KLKB1: variants seen among roughly 807,000 people sequenced by gnomAD.
KLKB1 encodes plasma kallikrein.
A neutral mutation model predicts 73.6 loss-of-function variants in KLKB1; 58 were observed. The ratio of observed to expected loss-of-function variants is 0.79; its 90% confidence interval spans 0.64 to 0.98. KLKB1 has a LOEUF of 0.98. Among genes scored for constraint, KLKB1 ranks in the 50% least tolerant of loss-of-function variants. KLKB1 has a pLI of 0.00. For missense variants in KLKB1, 737 were observed against 763.8 expected, an observed-to-expected ratio of 0.96 and a Z score of 0.41; for synonymous variants, 280 against 258.1, an observed-to-expected ratio of 1.08 and a Z score of -0.81.
At chr4:186,212,955 T>C (rs1349545179) in intron 2 of KLKB1, 1 of 152,230 alleles carries the variant, frequency 6.6e-6, no homozygotes, top group Admixed American at 6.5e-5. Flanking sequence ...AAAATGGGCA[T>C]ATTAGAAAAA....
chr4:186,256,907 G>C (rs1739022012), intron 13 of KLKB1, among the ~76,000 whole-genome samples: 1 of 152,074 alleles, frequency 6.6e-6, no homozygotes, highest in Non-Finnish European at 1.5e-5. Context: ...GGTCAGCCCA[G>C]GGTGCTGGGC....
chr4:186,248,670 A>G (rs1322482376), intron 6 of KLKB1, among the ~76,000 whole-genome samples: 1 of 133,942 alleles, frequency 7.5e-6, no homozygotes, highest in African/African-American at 3.0e-5. Flanking sequence ...CATGCATTTT[A>G]AATTCTCTTA....
chr4:186,213,111 T>A (rs1267126636), intron 2 of KLKB1: 2 of 152,182 alleles, frequency 1.3e-5, no homozygotes, highest in African/African-American at 4.8e-5. Context: ...TTGTTTAATG[T>A]TACCTTTTGG....
At chr4:186,237,033 C>T (rs924437721) in intron 5 of KLKB1, 93 bp downstream of exon 5, 2 of 1,266,018 alleles carry the variant, frequency 1.6e-6, no homozygotes, top group Non-Finnish European at 1.2e-6. Context: ...AACTAAAAAC[C>T]AAACAGGGCT....
Position 186,257,353 on chromosome 4 carries a change from A to G in KLKB1, c.1713A>G (p.Lys571=). Residue 571 remains lysine, a synonymous_variant, in exon 14 of 15, where the codon AAA becomes AAG. Coordinates refer to ENST00000264690, the MANE Select transcript of KLKB1 (RefSeq NM_000892.5). ...MVCAGYKEGG[K]DACKGDSGGP... ...GTGCTGGCTATAAAGAAGGGGGAAAAGATGCTTGTAAGGTAACTCATGAGA... is the reference window on the plus strand; with the variant it reads ...GTGCTGGCTATAAAGAAGGGGGAAAGGATGCTTGTAAGGTAACTCATGAGA... 1 of 1,589,262 alleles carries G rather than the reference A, an allele frequency of 6.3e-7. No individual in the cohort carries two copies. Among genetic ancestry groups the G allele is most frequent in the Non-Finnish European group, 8.6e-7 (1 of 1,166,882 alleles).
Position 186,251,980 on chromosome 4 carries a change from C to T in KLKB1, c.1145-37C>T, listed in dbSNP as rs376959569. The T allele has an allele frequency of 1.0e-4, 166 of 1,613,986 alleles. 1 individual carries two copies. Among genetic ancestry groups the T allele is most frequent in the Non-Finnish European group, 1.3e-4 (158 of 1,179,946 alleles). ...GGTTAGAAGGGACTTTGATTCACTT[C>T]TAATTCCAACCATTAGCGTCAACGC... On this transcript the variant is annotated intron_variant, in intron 10 of 14. Transcript: ENST00000264690.
upstream of KLKB1, among the ~76,000 whole-genome samples, chr4:186,222,457 A>G (rs1337494248): frequency 6.6e-6 from 1 of 152,150 alleles, no homozygotes; most frequent in Admixed American, 6.5e-5. Flanking sequence ...GGTTATCATG[A>G]GGTTTACATA....
chr4:186,238,064 T>C (rs1297173662), intron 5 of KLKB1, among the ~76,000 whole-genome samples, 192 bp from the exon 6 acceptor site: 1 of 152,124 alleles, frequency 6.6e-6, no homozygotes, highest in East Asian at 1.9e-4. Context: ...CCTGCCTCAT[T>C]CTCACCCTAA....
chr4:186,228,217 A>C lies in KLKB1; in HGVS notation c.22A>C (p.Thr8Pro), dbSNP rs200217461. 184 of 1,588,516 alleles carry C rather than the reference A, an allele frequency of 1.2e-4. No homozygotes were observed. Among genetic ancestry groups the C allele is most frequent in the Non-Finnish European group, 1.6e-4 (181 of 1,156,942 alleles). The change falls in exon 2 of 15, where the codon ACT (threonine) becomes CCT (proline). Residue 8 changes from threonine to proline, a missense_variant. Coordinates refer to ENST00000264690, the MANE Select transcript of KLKB1 (RefSeq NM_000892.5). MILFKQA[T>P]YFISLFATVS... Reference sequence around the variant, plus strand: ...TAGAATGATTTTATTCAAGCAAGCAACTTATTTCATTTCCTTGTTTGCTAC... The same window carrying C: ...TAGAATGATTTTATTCAAGCAAGCACCTTATTTCATTTCCTTGTTTGCTAC...
At chr4:186,215,910 A>G (rs1641293904) in intron 2 of KLKB1, among the ~76,000 whole-genome samples, 1 of 152,128 alleles carries the variant, frequency 6.6e-6, no homozygotes, top group South Asian at 2.1e-4. Context: ...GACTCCCATC[A>G]ATAATGCTTG....
At chr4:186,248,750 A>AAAC in intron 6 of KLKB1, among the ~76,000 whole-genome samples, 1 of 152,304 alleles carries the variant, frequency 6.6e-6, no homozygotes, top group South Asian at 2.1e-4. Context: ...ATGAATTGCC[A>AAAC]AACTGTTTTT....
intron 14 of KLKB1, 143 bp downstream of exon 14, chr4:186,257,508 C>A: frequency 2.0e-6 from 1 of 502,600 alleles, no homozygotes; most frequent in Non-Finnish European, 3.3e-6. Flanking sequence ...CAACTTTTAA[C>A]AAATTGAATA....
rs2304595 is a variant in KLKB1 at position 186,251,126 on chromosome 4, G to A, written c.759-93G>A. ...TTCCCAGAAGAATAAAATTTGCTGC[G>A]TTGCTTTTTGGGTGTGAGCTGCTTT... On this transcript the variant is annotated intron_variant, in intron 7 of 14. Coordinates refer to ENST00000264690, the MANE Select transcript of KLKB1 (RefSeq NM_000892.5). The A allele has an allele frequency of 0.37, 290,308 of 786,446 alleles. 56,424 individuals carry two copies. Among genetic ancestry groups the A allele is most frequent in the Non-Finnish European group, 0.41 (186,620 of 458,126 alleles). 48.7% of individuals were successfully genotyped at this position (786,446 alleles called of 1,614,324 possible).
intron 2 of KLKB1, among the ~76,000 whole-genome samples, chr4:186,214,677 A>C (rs1271393268): frequency 6.6e-6 from 1 of 152,116 alleles, no homozygotes; most frequent in African/African-American, 2.4e-5. Flanking sequence ...TGGACTAATT[A>C]GTCATTTTTC....
intron 6 of KLKB1, among the ~76,000 whole-genome samples, chr4:186,243,279 AGT>A (rs1738151617): frequency 6.6e-6 from 1 of 152,192 alleles, no homozygotes; most frequent in African/African-American, 2.4e-5. Context: ...GAGGTGGGTT[AGT>A]GGCTTGTAAC....
At chr4:186,232,427 T>G (rs1478458361) in intron 3 of KLKB1, 138 bp downstream of exon 3, 5 of 780,636 alleles carry the variant, frequency 6.4e-6, no homozygotes, top group Admixed American at 2.1e-5. Flanking sequence ...CGTCAAGTGG[T>G]TCTTACAAAT....
intron 6 of KLKB1, among the ~76,000 whole-genome samples, chr4:186,239,404 T>A (rs113420555): frequency 4.1e-5 from 6 of 146,512 alleles, no homozygotes; most frequent in East Asian, 4.1e-4. Context: ...GACAGTGATA[T>A]TGTTATAGTT....
intron 6 of KLKB1, among the ~76,000 whole-genome samples, chr4:186,249,966 C>A (rs1738577363): frequency 6.6e-6 from 1 of 152,090 alleles, no homozygotes; most frequent in African/African-American, 2.4e-5. Context: ...TAAACACATG[C>A]TGAGTAATGC....
chr4:186,251,951 C>G, intron 10 of KLKB1, 66 bp from the exon 11 acceptor site: 2 of 1,610,338 alleles, frequency 1.2e-6, no homozygotes, highest in Non-Finnish European at 1.7e-6. Context: ...GTCTTGTTCT[C>G]CTTGGTTAGA....
Sources: allele counts gnomAD v4.1 joint callset (sites outside exome capture counted in the v4.1 genomes callset), GRCh38; gene constraint gnomAD v4.1.1; transcripts MANE v1.5; gene names NCBI Gene and HGNC (gene_info 2026-07-23, HGNC 2026-07-21).